Variants in MOB3A observed in about 807,000 individuals in gnomAD.
The protein encoded by MOB3A is MOB kinase activator 3A, also known as MOB LAK.
Under a neutral mutation model 17.8 loss-of-function variants are expected in MOB3A, and 17 were observed. The observed-to-expected ratio is 0.95, with a 90% CI of 0.65 to 1.43. The LOEUF (loss-of-function observed/expected upper bound fraction) is 1.43. Ranked by LOEUF, MOB3A falls within the 40% of genes most tolerant of loss-of-function variation. The pLI, the probability that MOB3A is intolerant of heterozygous loss-of-function variation, is 0.00. For synonymous variants in MOB3A, 124 were observed against 133.2 expected, an observed-to-expected ratio of 0.93 and a Z score of 0.48; for missense variants, 333 against 310.8, an observed-to-expected ratio of 1.07 and a Z score of -0.54.
chr19:2,077,487 T>C (rs934309501), intron 3 of MOB3A, among the ~76,000 whole-genome samples: 1 of 152,026 alleles, frequency 6.6e-6, no homozygotes, highest in Non-Finnish European at 1.5e-5. Context: ...AACCCACGTT[T>C]ATGGGGTGTC....
At chr19:2,088,048 G>A (rs2017573118) in intron 1 of MOB3A, among the ~76,000 whole-genome samples, 2 of 152,208 alleles carry the variant, frequency 1.3e-5, no homozygotes, top group African/African-American at 4.8e-5. Context: ...ACACTCAGCT[G>A]CAGTGGGGGT....
At chr19:2,073,726 G>A (rs1036689598) in intron 4 of MOB3A, among the ~76,000 whole-genome samples, 4 of 152,174 alleles carry the variant, frequency 2.6e-5, no homozygotes, top group South Asian at 2.1e-4. Flanking sequence ...AGTGTACCTC[G>A]CTGCCAATAA....
intron 1 of MOB3A, among the ~76,000 whole-genome samples, chr19:2,092,715 G>A (rs975408095): frequency 7.3e-5 from 9 of 122,692 alleles, no homozygotes; most frequent in Admixed American, 5.4e-4. Flanking sequence ...CCCTGGTTGC[G>A]CCACTGCACT....
chr19:2,094,454 G>C (rs1246400104), intron 1 of MOB3A, among the ~76,000 whole-genome samples: 1 of 152,180 alleles, frequency 6.6e-6, no homozygotes, highest in Admixed American at 6.5e-5. Context: ...AGTGAATCCA[G>C]GAGAACAGAA....
In MOB3A at chr19:2,095,507, G is replaced by A. The variant is rs116413629; in HGVS notation, c.-274+719C>T. ...GCCGCGTTGGCTTGGGGATCCTGAA[G>A]CCCTGCAGAATTTTAATCCACACCG... On this transcript the variant is annotated intron_variant, in intron 1 of 4. Transcript: ENST00000357066. 5.0e-3 allele frequency among the ~76,000 whole-genome samples: 769 copies of A among 152,318 alleles called. 10 individuals carry two copies. Among genetic ancestry groups the A allele is most frequent in the African/African-American group, 0.018 (735 of 41,578 alleles).
At chr19:2,089,454 C>T (rs1198712046) in intron 1 of MOB3A, among the ~76,000 whole-genome samples, 1 of 152,302 alleles carries the variant, frequency 6.6e-6, no homozygotes, top group East Asian at 1.9e-4. Flanking sequence ...TGAGCAGCGT[C>T]CCTGGCCTCC....
Position 2,072,639 on chromosome 19 carries a change from G to C in MOB3A, c.*756C>G, listed in dbSNP as rs930432137. On this transcript the variant is annotated 3_prime_UTR_variant, in exon 5 of 5. Coordinates refer to ENST00000357066, the MANE Select transcript of MOB3A (RefSeq NM_130807.3). ...AGCAGAGTGCATTGAGGAAGAGAGA[G>C]GGCTGGGTGCGGTGGCTCACCCCTG... The C allele has an allele frequency of 2.6e-5, 4 of 151,416 alleles. No homozygotes were observed. Among genetic ancestry groups the C allele is most frequent in the Non-Finnish European group, 4.4e-5 (3 of 67,870 alleles). 9.4% of individuals were successfully genotyped at this position (151,416 alleles called of 1,614,324 possible).
intron 3 of MOB3A, among the ~76,000 whole-genome samples, chr19:2,077,225 AC>A (rs1446016705): frequency 3.3e-5 from 5 of 152,002 alleles, no homozygotes; most frequent in Admixed American, 3.3e-4. Flanking sequence ...ACATGGAGAA[AC>A]CCCATCTTTA....
At chr19:2,094,858 A>AGAAAAAAGCAAGTGC (rs1223724173) in intron 1 of MOB3A, among the ~76,000 whole-genome samples, 3 of 152,258 alleles carry the variant, frequency 2.0e-5, no homozygotes, top group Non-Finnish European at 4.4e-5. Flanking sequence ...GAGAAAACGA[A>AGAAAAAAGCAAGTGC]GAAAAAAGCA....
chr19:2,075,638 C>A (rs1424206252), intron 4 of MOB3A, among the ~76,000 whole-genome samples: 1 of 152,294 alleles, frequency 6.6e-6, no homozygotes, highest in East Asian at 1.9e-4. Flanking sequence ...TCACGGGCAC[C>A]CACTCCACTG....
At chr19:2,088,959 TAC>T (rs1330163870) in intron 1 of MOB3A, among the ~76,000 whole-genome samples, 6 of 152,180 alleles carry the variant, frequency 3.9e-5, no homozygotes, top group Non-Finnish European at 7.3e-5. Flanking sequence ...CACTAGTTAG[TAC>T]ACAGTGACTG....
chr19:2,077,403 A>G (rs1268160452), intron 3 of MOB3A, among the ~76,000 whole-genome samples: 6 of 149,726 alleles, frequency 4.0e-5, no homozygotes, highest in African/African-American at 2.4e-5. Context: ...CACTGTCTCA[A>G]AAAAAAAAAG....
At chr19:2,087,991 C>G (rs2017572543) in intron 1 of MOB3A, among the ~76,000 whole-genome samples, 1 of 152,206 alleles carries the variant, frequency 6.6e-6, no homozygotes. Context: ...AGCCAGGGGC[C>G]CACCCCAGTC....
In MOB3A at chr19:2,071,868, GCTCA is replaced by G. The variant is rs1053860727; in HGVS notation, c.*1523_*1526del. ...GGACATCGTTCCGAAGAGGCAGAGA[GCTCA>G]CTATGTTATCGATAAAAAAATTCTT... On this transcript the variant is annotated 3_prime_UTR_variant, in exon 5 of 5. Transcript: ENST00000357066. 6.6e-6 allele frequency: 1 copy of G among 152,334 alleles called. No homozygotes were observed. Among genetic ancestry groups the G allele is most frequent in the Non-Finnish European group, 1.5e-5 (1 of 68,158 alleles). The allele number at this position is 152,334 out of a possible 1,614,324, so 9.4% of individuals were successfully genotyped here. A position where few individuals can be genotyped will look rare whatever the true frequency, so the allele number is the denominator to read the frequency against.
intron 2 of MOB3A, 41 bp from the exon 3 acceptor site, chr19:2,078,720 G>A (rs1405662154): frequency 9.0e-6 from 6 of 665,346 alleles, no homozygotes; most frequent in Non-Finnish European, 1.5e-5. Context: ...GGAGGCGACA[G>A]AATTTCCCGG....
chr19:2,078,044 A>G (rs1268724784), intron 3 of MOB3A, 96 bp downstream of exon 3: 2 of 1,301,262 alleles, frequency 1.5e-6, no homozygotes, highest in Non-Finnish European at 2.1e-6. Flanking sequence ...TCGGCCTCCC[A>G]AAGCGCTGGC....
intron 1 of MOB3A, among the ~76,000 whole-genome samples, chr19:2,092,082 GTTT>G (rs1219970948): frequency 3.4e-5 from 4 of 118,886 alleles, no homozygotes; most frequent in Admixed American, 8.7e-5. Flanking sequence ...GGAAGGAAAG[GTTT>G]TTTTTTTTTT....
chr19:2,073,361 C>A lies in MOB3A; in HGVS notation c.*34G>T. On this transcript the variant is annotated 3_prime_UTR_variant, in exon 5 of 5. Transcript: ENST00000357066. Reference sequence around the variant, plus strand: ...CTCCTCCAAGTCTCCGAGGCCCCAGCGGCGGTTCGGGCACCGGGAGACCCG... The same window carrying A: ...CTCCTCCAAGTCTCCGAGGCCCCAGAGGCGGTTCGGGCACCGGGAGACCCG... 6.2e-7 allele frequency: 1 copy of A among 1,612,192 alleles called. No homozygotes were observed. Among genetic ancestry groups the A allele is most frequent in the Non-Finnish European group, 8.5e-7 (1 of 1,179,536 alleles).
intron 1 of MOB3A, among the ~76,000 whole-genome samples, chr19:2,091,703 A>C (rs956410420): frequency 1.3e-5 from 2 of 150,100 alleles, no homozygotes; most frequent in African/African-American, 2.4e-5. Flanking sequence ...TTTTTTGTTA[A>C]AGAAGGAATA....
Sources: gnomAD v4.1 joint callset for allele counts (sites outside exome capture counted in the v4.1 genomes callset) on GRCh38, gnomAD v4.1.1 for gene constraint, MANE v1.5 for transcripts, NCBI Gene and HGNC (gene_info 2026-07-23, HGNC 2026-07-21) for gene names.